KLHL3: variants seen among roughly 807,000 people sequenced by gnomAD.
The protein encoded by KLHL3 is kelch-like protein 3.
Under a neutral mutation model 70.5 loss-of-function variants are expected in KLHL3, and 19 were observed. That is an observed-to-expected ratio of 0.27 (90% CI 0.19 to 0.40). The LOEUF is 0.40. KLHL3 is among the 10% of genes least tolerant of loss of function. The pLI is 1.00. For synonymous variants in KLHL3, 258 were observed against 290.3 expected, an observed-to-expected ratio of 0.89 and a Z score of 1.13; for missense variants, 512 against 771.1, an observed-to-expected ratio of 0.66 and a Z score of 3.98.
intron 2 of KLHL3, among the ~76,000 whole-genome samples, chr5:137,716,529 C>G (rs1752896265): frequency 1.3e-5 from 2 of 152,158 alleles, no homozygotes; most frequent in African/African-American, 2.4e-5. Flanking sequence ...GGAATTTATG[C>G]TGAGCAAGGC....
At chr5:137,653,963 T>C (rs1561592279) in intron 8 of KLHL3, among the ~76,000 whole-genome samples, 1 of 152,116 alleles carries the variant, frequency 6.6e-6, no homozygotes, top group Admixed American at 6.5e-5. Context: ...GAATCTCAAA[T>C]GCATTATGGT....
chr5:137,717,411 T>A (rs932208657), intron 2 of KLHL3, among the ~76,000 whole-genome samples: 2 of 152,142 alleles, frequency 1.3e-5, no homozygotes, highest in Non-Finnish European at 2.9e-5. Context: ...GTGCCTATAA[T>A]CCCAACTACT....
chr5:137,730,033 C>G (rs529518234), intron 1 of KLHL3, among the ~76,000 whole-genome samples: 1 of 152,112 alleles, frequency 6.6e-6, no homozygotes, highest in East Asian at 1.9e-4. Flanking sequence ...AGGTACAGAT[C>G]GAGTTAACAT....
chr5:137,673,421 T>A (rs1454552949), intron 6 of KLHL3, among the ~76,000 whole-genome samples: 1 of 152,110 alleles, frequency 6.6e-6, no homozygotes, highest in African/African-American at 2.4e-5. Flanking sequence ...GGGTCTGGCA[T>A]GACATGAGGA....
chr5:137,688,642 T>A (rs779132848), intron 5 of KLHL3, among the ~76,000 whole-genome samples: 9 of 152,178 alleles, frequency 5.9e-5, no homozygotes, highest in Non-Finnish European at 1.2e-4. Context: ...CTAGAAGCTG[T>A]AGAATGTAAT....
intron 8 of KLHL3, among the ~76,000 whole-genome samples, chr5:137,655,973 A>G (rs1228721244): frequency 6.8e-6 from 1 of 147,146 alleles, no homozygotes; most frequent in Non-Finnish European, 1.5e-5. Flanking sequence ...CCTGGGTAGA[A>G]GAACAAGACT....
intron 8 of KLHL3, among the ~76,000 whole-genome samples, chr5:137,654,101 A>C (rs1751279666): frequency 6.6e-6 from 1 of 152,218 alleles, no homozygotes. Context: ...GTAGAAGAAG[A>C]GGATTGACTA....
rs1490731608 is a variant in KLHL3, at chr5:137,620,813, G to A, written c.*1285C>T. On this transcript the variant is annotated 3_prime_UTR_variant, in exon 15 of 15. Transcript: ENST00000309755. ...GCCCACTGATATCTCCTACCTCACA[G>A]GGAAAGCAGTAGTGGGGTTCTTGGG... 1 of 152,200 alleles carries A rather than the reference G, an allele frequency of 6.6e-6. No homozygotes were observed. The highest frequency in any genetic ancestry group is 2.4e-5 in the African/African-American group (1 of 41,448). The allele number at this position is 152,200 out of a possible 1,614,324, so 9.4% of individuals were successfully genotyped here.
intron 7 of KLHL3, 137 bp downstream of exon 7, chr5:137,661,778 C>G (rs1751480756): frequency 3.2e-6 from 2 of 620,106 alleles, no homozygotes; most frequent in East Asian, 5.3e-5. Flanking sequence ...TAACACTTAA[C>G]CCAGTGGGCT....
intron 4 of KLHL3, among the ~76,000 whole-genome samples, chr5:137,693,871 T>C (rs1022714170): frequency 1.3e-5 from 2 of 152,224 alleles, no homozygotes; most frequent in African/African-American, 4.8e-5. Flanking sequence ...CTTTTTTTTT[T>C]TTTTAAGTGC....
intron 8 of KLHL3, among the ~76,000 whole-genome samples, chr5:137,648,606 C>T (rs1042520737): frequency 6.6e-6 from 1 of 152,166 alleles, no homozygotes; most frequent in African/African-American, 2.4e-5. Context: ...TGTGTGGGAG[C>T]CAAGATGATG....
At chr5:137,669,859 G>A (rs935661756) in intron 6 of KLHL3, among the ~76,000 whole-genome samples, 17 of 152,302 alleles carry the variant, frequency 1.1e-4, no homozygotes, top group African/African-American at 1.2e-4. Context: ...AATTCAATCC[G>A]GGCAGCTGAG....
At chr5:137,663,389 A>G (rs761324181) in intron 6 of KLHL3, among the ~76,000 whole-genome samples, 3 of 151,904 alleles carry the variant, frequency 2.0e-5, no homozygotes, top group Admixed American at 2.0e-4. Flanking sequence ...ACCCACAGAT[A>G]CCAACATCTG....
At chr5:137,701,865 C>T (rs1437206662) in intron 3 of KLHL3, among the ~76,000 whole-genome samples, 1 of 152,248 alleles carries the variant, frequency 6.6e-6, no homozygotes, top group African/African-American at 2.4e-5. Flanking sequence ...GCCCAGACAG[C>T]CACCTCAGAC....
intron 4 of KLHL3, among the ~76,000 whole-genome samples, chr5:137,696,036 T>C (rs555739711): frequency 1.2e-4 from 18 of 152,262 alleles, no homozygotes; most frequent in African/African-American, 3.8e-4. Context: ...CAGCTTGCAA[T>C]GGCTTCCCCT....
chr5:137,712,635 G>A (rs978781965), intron 2 of KLHL3, among the ~76,000 whole-genome samples: 4 of 152,158 alleles, frequency 2.6e-5, no homozygotes, highest in African/African-American at 9.7e-5. Flanking sequence ...GGGATCCTAT[G>A]GGATCCTTTT....
Position 137,665,819 on chromosome 5 carries a change from G to A in KLHL3, c.637-3788C>T, listed in dbSNP as rs564647702. The stretch of plus-strand genomic sequence containing the variant: ...TTTTCTAATTATATACTTAAGTCAG[G>A]CTGGACATAACTTGAATTTGGCAAG... On this transcript the variant is annotated intron_variant, in intron 6 of 14. Transcript: ENST00000309755. Among the ~76,000 whole-genome samples, 3 of 152,118 alleles carry A rather than the reference G, an allele frequency of 2.0e-5. No individual in the cohort carries two copies. The East Asian group carries it at 5.8e-4, about 29-fold the overall frequency.
intron 2 of KLHL3, among the ~76,000 whole-genome samples, chr5:137,718,455 G>A (rs1181505900): frequency 6.6e-6 from 1 of 152,144 alleles, no homozygotes; most frequent in Non-Finnish European, 1.5e-5. Context: ...CTGTGACTGG[G>A]ACATTGCACT....
chr5:137,710,372 G>A (rs553332110), intron 2 of KLHL3, among the ~76,000 whole-genome samples: 17 of 152,214 alleles, frequency 1.1e-4, no homozygotes, highest in East Asian at 5.8e-4. Flanking sequence ...CAGATTTAAC[G>A]CTTTCAACAA....
Sources: allele counts gnomAD v4.1 joint callset (sites outside exome capture counted in the v4.1 genomes callset), GRCh38; gene constraint gnomAD v4.1.1; transcripts MANE v1.5; gene names NCBI Gene and HGNC (gene_info 2026-07-23, HGNC 2026-07-21).